Variants in PSMD11 observed in about 807,000 individuals in gnomAD.
PSMD11 encodes proteasome 26S subunit, non-ATPase 11, also known as 26S proteasome non-ATPase regulatory subunit 11.
A neutral mutation model predicts 62.3 loss-of-function variants in PSMD11; 5 were observed. The observed-to-expected ratio is 0.08, with a 90% CI of 0.04 to 0.17. PSMD11 has a LOEUF of 0.17. PSMD11 is among the 10% of genes least tolerant of loss of function. The pLI, the probability that PSMD11 is intolerant of heterozygous loss-of-function variation, is 1.00. For synonymous variants in PSMD11, 191 were observed against 191.8 expected (o/e 1.00, Z 0.03); for missense variants, 310 against 512.9 (o/e 0.60, Z 3.82).
chr17:32,448,039 C>A (rs898762379), intron 2 of PSMD11, among the ~76,000 whole-genome samples: 1 of 151,868 alleles, frequency 6.6e-6, no homozygotes, highest in Admixed American at 6.6e-5. Context: ...CGCCACCAAG[C>A]CTGGCTAATT....
At chr17:32,450,422 A>AT (rs58292122) in intron 2 of PSMD11, among the ~76,000 whole-genome samples, 75,071 of 129,516 alleles carry the variant, frequency 0.58, 22,575 homozygotes, top group African/African-American at 0.66. Context: ...TGCTCGGCTA[A>AT]TTTTTTTTTT....
intron 1 of PSMD11, 58 bp downstream of exon 1, chr17:32,444,672 C>G: frequency 6.3e-7 from 1 of 1,594,804 alleles, no homozygotes; most frequent in South Asian, 1.1e-5. Context: ...TTATGTCGGT[C>G]GGCGGCAGCG....
rs748555947 is a variant in PSMD11 at position 32,480,210 on chromosome 17, C to T, written c.1126+13C>T. ...AAGAAATTTCATGGTAAGTAACAGT[C>T]ACACAGGCAAGGGGGCTGGTGGTGG... On this transcript the variant is annotated intron_variant, in intron 12 of 13. Transcript: ENST00000261712. 6 of 1,609,590 alleles carry T rather than the reference C, an allele frequency of 3.7e-6. No homozygotes were observed. Among genetic ancestry groups the T allele is most frequent in the Non-Finnish European group, 5.1e-6 (6 of 1,175,910 alleles).
intron 5 of PSMD11, 104 bp from the exon 6 acceptor site, chr17:32,468,895 A>T (rs1007302378): frequency 3.6e-5 from 32 of 898,372 alleles, no homozygotes; most frequent in East Asian, 2.9e-4. Context: ...GAGTTCAGGA[A>T]TTTTTTTTTT....
At chr17:32,457,577 T>C (rs1052474859) in intron 3 of PSMD11, among the ~76,000 whole-genome samples, 2 of 152,172 alleles carry the variant, frequency 1.3e-5, no homozygotes, top group Admixed American at 1.3e-4. Flanking sequence ...GCTTTTATCA[T>C]GAACCAGAGT....
chr17:32,470,747 TTC>T (rs1567857157), intron 6 of PSMD11, among the ~76,000 whole-genome samples: 1 of 152,232 alleles, frequency 6.6e-6, no homozygotes, highest in Admixed American at 6.5e-5. Flanking sequence ...GTCTGGCTTA[TTC>T]TCTCTCTATA....
intron 9 of PSMD11, 72 bp from the exon 10 acceptor site, chr17:32,479,179 T>C: frequency 3.2e-6 from 5 of 1,570,548 alleles, no homozygotes; most frequent in Admixed American, 1.8e-5. Flanking sequence ...CAGCAGACTA[T>C]CTAGGAAGCA....
At chr17:32,454,422 G>A in intron 2 of PSMD11, 73 bp from the exon 3 acceptor site, 2 of 1,513,292 alleles carry the variant, frequency 1.3e-6, no homozygotes, top group Middle Eastern at 1.7e-4. Flanking sequence ...ATGACGTTGG[G>A]TCAGTTTCTT....
At chr17:32,465,084 CT>C (rs933938104) in intron 5 of PSMD11, among the ~76,000 whole-genome samples, 91 of 143,692 alleles carry the variant, frequency 6.3e-4, no homozygotes, top group Admixed American at 1.0e-3. Context: ...ATCTTCTCTG[CT>C]TTTTTTTTTT....
intron 9 of PSMD11, 46 bp from the exon 10 acceptor site, chr17:32,479,205 T>C (rs765966616): frequency 3.7e-6 from 6 of 1,605,692 alleles, no homozygotes; most frequent in Non-Finnish European, 4.3e-6. Flanking sequence ...AGCATGACTT[T>C]AAAGTGATTC....
chr17:32,471,726 T>C (rs1908167312), intron 6 of PSMD11, among the ~76,000 whole-genome samples: 1 of 152,044 alleles, frequency 6.6e-6, no homozygotes, highest in Admixed American at 6.6e-5. Flanking sequence ...GATGGTACAG[T>C]ATGTGTTTTT....
intron 2 of PSMD11, among the ~76,000 whole-genome samples, chr17:32,450,407 C>T (rs1052428559): frequency 1.4e-4 from 21 of 150,178 alleles, no homozygotes; most frequent in Non-Finnish European, 2.8e-4. Context: ...AGGCGTGAGC[C>T]ACCATGCTCG....
rs375415311 is a variant in PSMD11 at position 32,480,204 on chromosome 17, A to G, written c.1126+7A>G. On this transcript the variant is annotated splice_region_variant and intron_variant, in intron 12 of 13. Coordinates refer to ENST00000261712, the MANE Select transcript of PSMD11 (RefSeq NM_002815.4). ...CTTGACAAGAAATTTCATGGTAAGT[A>G]ACAGTCACACAGGCAAGGGGGCTGG... 1.9e-6 allele frequency: 3 copies of G among 1,611,696 alleles called. No homozygotes were observed. In the African/African-American group the frequency reaches 4.0e-5, roughly 21 times the overall value.
chr17:32,478,864 G>C (rs1908406654), intron 9 of PSMD11, among the ~76,000 whole-genome samples: 1 of 151,944 alleles, frequency 6.6e-6, no homozygotes, highest in South Asian at 2.1e-4. Flanking sequence ...ACAGAAAGAT[G>C]GTCCCTAGGG....
intron 2 of PSMD11, among the ~76,000 whole-genome samples, chr17:32,454,131 T>C (rs911422368): frequency 2.0e-5 from 3 of 152,176 alleles, no homozygotes; most frequent in Non-Finnish European, 4.4e-5. Context: ...GGAAGTAATT[T>C]TGTGAAGGTG....
At chr17:32,455,489 C>CT in intron 3 of PSMD11, among the ~76,000 whole-genome samples, 1 of 152,154 alleles carries the variant, frequency 6.6e-6, no homozygotes, top group Non-Finnish European at 1.5e-5. Flanking sequence ...GGTTATATGT[C>CT]TGATTGTTTG....
At chr17:32,474,532 G>C (rs1908262812) in intron 7 of PSMD11, among the ~76,000 whole-genome samples, 1 of 152,150 alleles carries the variant, frequency 6.6e-6, no homozygotes, top group Non-Finnish European at 1.5e-5. Context: ...GGTAGGTTCA[G>C]TTCAGCTTTC....
intron 2 of PSMD11, chr17:32,447,271 A>G (rs1003234105): frequency 6.8e-6 from 3 of 439,510 alleles, no homozygotes; most frequent in African/African-American, 6.3e-5. Flanking sequence ...GTTGGGATAT[A>G]GTGATTTCTG....
At chr17:32,468,670 G>A (rs1026961111) in intron 5 of PSMD11, among the ~76,000 whole-genome samples, 4 of 152,266 alleles carry the variant, frequency 2.6e-5, no homozygotes, top group East Asian at 3.9e-4. Context: ...AGAAGAGAGC[G>A]AGATTGTGTC....
Sources: gnomAD v4.1 joint callset for allele counts (sites outside exome capture counted in the v4.1 genomes callset) on GRCh38, gnomAD v4.1.1 for gene constraint, MANE v1.5 for transcripts, NCBI Gene and HGNC (gene_info 2026-07-23, HGNC 2026-07-21) for gene names.